Variants in MEI1 observed in about 807,000 individuals in gnomAD.
MEI1 encodes meiosis inhibitor protein 1.
MEI1 carries 103 observed loss-of-function variants against 146.2 expected under a neutral mutation model. That is an observed-to-expected ratio of 0.70 (90% CI 0.60 to 0.83). MEI1 has a LOEUF of 0.83. Among genes scored for constraint, MEI1 ranks in the 40% least tolerant of loss-of-function variants. The probability of loss-of-function intolerance (pLI) is 0.00; values close to 1 mark genes in which losing one functional copy is unlikely to be tolerated. For missense variants in MEI1, 1,529 were observed against 1,533.0 expected, an observed-to-expected ratio of 1.00 and a Z score of 0.04; for synonymous variants, 652 against 628.2, an observed-to-expected ratio of 1.04 and a Z score of -0.57.
intron 20 of MEI1, among the ~76,000 whole-genome samples, chr22:41,773,619 T>C (rs1409785027): frequency 6.7e-6 from 1 of 149,108 alleles, no homozygotes; most frequent in Non-Finnish European, 1.5e-5. Flanking sequence ...CTCACGCCTG[T>C]AATCCCAGCG....
intron 7 of MEI1, among the ~76,000 whole-genome samples, chr22:41,728,819 C>T (rs188190993): frequency 5.3e-4 from 80 of 149,614 alleles, no homozygotes; most frequent in East Asian, 1.0e-3. Context: ...CATGTTCACA[C>T]GGCTGCACTA....
At chr22:41,760,436 G>T (rs1358133423) in intron 18 of MEI1, among the ~76,000 whole-genome samples, 1 of 152,156 alleles carries the variant, frequency 6.6e-6, no homozygotes, top group Admixed American at 6.5e-5. Flanking sequence ...TTGAACCCGG[G>T]AGGCGGAGGT....
intron 9 of MEI1, among the ~76,000 whole-genome samples, chr22:41,731,422 C>T (rs2071855208): frequency 6.6e-6 from 1 of 151,250 alleles, no homozygotes; most frequent in African/African-American, 2.4e-5. Flanking sequence ...AATCTTGGAT[C>T]ACGGCAACCT....
chr22:41,796,345 G>A lies in MEI1; in HGVS notation c.3779+498G>A, dbSNP rs1187076278. The stretch of plus-strand genomic sequence containing the variant: ...TGGGACTACAGGTGCCTGCCACCAC[G>A]CCCAGGTTTTTTTTTTTTTTTTCTA... On this transcript the variant is annotated intron_variant, in intron 30 of 30. Transcript: ENST00000401548. Among the ~76,000 whole-genome samples the A allele has an allele frequency of 5.0e-5, 6 of 119,532 alleles. No homozygotes were observed. The East Asian group carries it at 1.0e-3, about 21-fold the overall frequency. 78.4% of individuals were successfully genotyped at this position (119,532 alleles called of 152,430 possible). A position where few individuals can be genotyped will look rare whatever the true frequency, so the allele number is the denominator to read the frequency against.
chr22:41,761,464 G>T (rs577117140), intron 18 of MEI1, among the ~76,000 whole-genome samples: 3 of 151,736 alleles, frequency 2.0e-5, no homozygotes, highest in Non-Finnish European at 4.4e-5. Flanking sequence ...TCAGGTGCCC[G>T]CTACCACGCC....
Position 41,703,361 on chromosome 22 carries a change from T to G in MEI1, c.205T>G (p.Phe69Val). 6.2e-7 allele frequency: 1 copy of G among 1,612,782 alleles called. No individual in the cohort carries two copies. The highest frequency in any genetic ancestry group is 8.5e-7 in the Non-Finnish European group (1 of 1,179,348). ...GCGCAAGAAGCACATGTTGTCCTGCTTCCAAGATGCCCTTGTGAGGCATAC... is the reference window on the plus strand; with the variant it reads ...GCGCAAGAAGCACATGTTGTCCTGCGTCCAAGATGCCCTTGTGAGGCATAC... ...LVRKKHMLSCFQDALVRHTSL... is the reference protein window; with the variant it reads ...LVRKKHMLSCVQDALVRHTSL... The change falls in exon 2 of 31, where the codon TTC becomes GTC. Residue 69 changes from phenylalanine (F) to valine (V), a missense_variant. Phe to Val is a conservative substitution (Grantham distance 50). Around this residue, in one of 3 missense-constraint regions of MEI1, gnomAD observed 1,212 missense variants for 1,178.9 expected, o/e 1.03. Coordinates refer to ENST00000401548, the MANE Select transcript of MEI1 (RefSeq NM_152513.4).
intron 20 of MEI1, among the ~76,000 whole-genome samples, chr22:41,772,445 C>T (rs2148061829): frequency 6.6e-6 from 1 of 152,194 alleles, no homozygotes; most frequent in East Asian, 1.9e-4. Flanking sequence ...GAGTTCAAGA[C>T]CAAGTAGCTG....
intron 21 of MEI1, among the ~76,000 whole-genome samples, chr22:41,777,403 G>A (rs1037816307): frequency 6.6e-6 from 1 of 151,426 alleles, no homozygotes; most frequent in South Asian, 2.1e-4. Context: ...TGATCCGCCC[G>A]CCTCAGCCTC....
chr22:41,777,829 C>T (rs80187572), intron 21 of MEI1, among the ~76,000 whole-genome samples: 1,793 of 151,326 alleles, frequency 0.012, 35 homozygotes, highest in African/African-American at 0.042. Flanking sequence ...TCCTTCCCTC[C>T]TTCCTTCCTT....
In MEI1 at chr22:41,699,563, G is replaced by A. The variant is rs1569125064; in HGVS notation, c.25G>A (p.Ala9Thr). 6.2e-7 allele frequency: 1 copy of A among 1,612,066 alleles called. No homozygotes were observed. Among genetic ancestry groups the A allele is most frequent in the African/African-American group, 1.3e-5 (1 of 74,868 alleles). ...GATGGCTGTGAGGCAGGCGGCGACG[G>A]CGGGCACTCCCGGGCCCAGGAGAGA... is the stretch of plus-strand genomic sequence containing the variant. MAVRQAAT[A>T]GTPGPRREEE... The change falls in exon 1 of 31, where the codon GCG becomes ACG. Residue 9 changes from alanine to threonine, a missense_variant. This residue lies in a region of MEI1 where 1,212 missense variants were observed against 1,178.9 expected (regional missense o/e 1.03). Coordinates refer to ENST00000401548, the MANE Select transcript of MEI1 (RefSeq NM_152513.4).
chr22:41,771,240 T>C (rs571318324), intron 20 of MEI1, among the ~76,000 whole-genome samples: 1 of 152,306 alleles, frequency 6.6e-6, no homozygotes, highest in African/African-American at 2.4e-5. Context: ...CAGATCTTAG[T>C]CACCATCCCC....
rs773517126 is a variant in MEI1, at chr22:41,770,944, A to C, written c.2527A>C (p.Ile843Leu). 2 of 1,613,298 alleles carry C rather than the reference A, an allele frequency of 1.2e-6. No homozygotes were observed. The highest frequency in any genetic ancestry group is 1.7e-6 in the Non-Finnish European group (2 of 1,179,486). ...CCAGTTGCTCAGAAGCATCCCCAGC[A>C]TCCTGCTCATCTTGCTGGTAGGCAA... is the stretch of plus-strand genomic sequence containing the variant. ...LFQLLRSIPS[I>L]LLILLDLIYS... The change falls in exon 20 of 31, where the codon ATC becomes CTC. Residue 843 changes from isoleucine to leucine, a missense_variant. Around this residue, in one of 3 missense-constraint regions of MEI1, gnomAD observed 1,212 missense variants for 1,178.9 expected, o/e 1.03. Transcript: ENST00000401548.
chr22:41,780,571 TTTTTC>T (rs1364114916), intron 22 of MEI1, among the ~76,000 whole-genome samples: 4 of 145,920 alleles, frequency 2.7e-5, no homozygotes, highest in Admixed American at 6.7e-5. Context: ...GAGCTGAATT[TTTTTC>T]TTTTCTTTTT....
chr22:41,791,659 A>G (rs1250794556), intron 26 of MEI1, among the ~76,000 whole-genome samples: 3 of 152,238 alleles, frequency 2.0e-5, no homozygotes, highest in Non-Finnish European at 2.9e-5. Context: ...GCAAGTGTTG[A>G]CAGGAGGTGG....
chr22:41,769,949 A>G (rs570037990), intron 19 of MEI1, among the ~76,000 whole-genome samples: 2 of 151,420 alleles, frequency 1.3e-5, no homozygotes, highest in African/African-American at 4.8e-5. Flanking sequence ...AGCCTGACCA[A>G]CATGGAGGAA....
At chr22:41,718,891 G>T (rs1272504668) in intron 6 of MEI1, among the ~76,000 whole-genome samples, 1 of 150,812 alleles carries the variant, frequency 6.6e-6, no homozygotes, top group East Asian at 1.9e-4. Context: ...CTTTTTTTTT[G>T]AGACAGAGCC....
chr22:41,749,040 G>A (rs149755490), intron 15 of MEI1, among the ~76,000 whole-genome samples: 3,743 of 152,128 alleles, frequency 0.025, 80 homozygotes, highest in Admixed American at 0.061. Context: ...TCCTGACCTC[G>A]TGATCTGCCC....
intron 7 of MEI1, 35 bp from the exon 8 acceptor site, chr22:41,729,630 G>A (rs781196206): frequency 1.3e-5 from 19 of 1,410,346 alleles, no homozygotes; most frequent in Non-Finnish European, 1.9e-5. Flanking sequence ...TATTCGTGGT[G>A]TGACTGGGGT....
chr22:41,738,263 G>C (rs963955252), intron 11 of MEI1, among the ~76,000 whole-genome samples: 1 of 151,420 alleles, frequency 6.6e-6, no homozygotes, highest in Non-Finnish European at 1.5e-5. Flanking sequence ...GACCATCCTG[G>C]CCAACATGGT....
Sources: gnomAD v4.1 joint callset for allele counts (sites outside exome capture counted in the v4.1 genomes callset) on GRCh38, gnomAD v4.1.1 for gene constraint, gnomAD v4.1.1 regional missense constraint, MANE v1.5 for transcripts, NCBI Gene and HGNC (gene_info 2026-07-23, HGNC 2026-07-21) for gene names.